LDLRAD4: variants seen among roughly 807,000 people sequenced by gnomAD.
The protein encoded by LDLRAD4 is low-density lipoprotein receptor class A domain-containing protein 4.
Under a neutral mutation model 17.0 loss-of-function variants are expected in LDLRAD4, and 5 were observed. That is an observed-to-expected ratio of 0.29 (90% CI 0.15 to 0.62). The LOEUF (loss-of-function observed/expected upper bound fraction) is 0.62, where lower values mean the gene tolerates loss of function less well. LDLRAD4 is among the 20% of genes least tolerant of loss of function. The probability of loss-of-function intolerance (pLI) is 0.84; values close to 1 mark genes in which losing one functional copy is unlikely to be tolerated. For missense variants in LDLRAD4, 340 were observed against 424.7 expected, an observed-to-expected ratio of 0.80 and a Z score of 1.75; for synonymous variants, 168 against 171.8, an observed-to-expected ratio of 0.98 and a Z score of 0.17.
Position 13,294,333 on chromosome 18 carries a change from C to T in LDLRAD4, c.-383+16145C>T, listed in dbSNP as rs552252533. Among the ~76,000 whole-genome samples the T allele has an allele frequency of 6.6e-5, 10 of 152,328 alleles. No individual in the cohort carries two copies. The South Asian group carries it at 1.4e-3, about 22-fold the overall frequency. ...GGGCACGTCAGACAGACGGCCCAGC[C>T]GGTGTGCGGAAGCGTTGACCAAGAT... On this transcript the variant is annotated intron_variant, in intron 1 of 5. Transcript: ENST00000359446.
At chr18:13,318,454 G>A (rs2081047470) in intron 1 of LDLRAD4, among the ~76,000 whole-genome samples, 1 of 152,084 alleles carries the variant, frequency 6.6e-6, no homozygotes, top group African/African-American at 2.4e-5. Flanking sequence ...TAGAGACGGG[G>A]TTTTACCATA....
rs114167746 is a variant in LDLRAD4 at position 13,634,327 on chromosome 18, T to G, written c.337-9032T>G. ...TGTAAAAACTCTAAAGATTCTATTT[T>G]AAAAATAACCCAAAAAGTGTCAGAA... On this transcript the variant is annotated intron_variant, in intron 4 of 5. Coordinates refer to ENST00000359446, the Ensembl canonical transcript of LDLRAD4. Among the ~76,000 whole-genome samples, 1,230 of 152,316 alleles carry G rather than the reference T, an allele frequency of 8.1e-3. 13 individuals are homozygous for G. The highest frequency in any genetic ancestry group is 0.028 in the African/African-American group (1,176 of 41,556).
At chr18:13,355,350 G>A (rs2083275610) in intron 1 of LDLRAD4, among the ~76,000 whole-genome samples, 1 of 152,200 alleles carries the variant, frequency 6.6e-6, no homozygotes, top group African/African-American at 2.4e-5. Context: ...GTCAATTCCT[G>A]CTATGCTGTT....
At chr18:13,409,844 T>C (rs966337957) in intron 2 of LDLRAD4, among the ~76,000 whole-genome samples, 3 of 152,206 alleles carry the variant, frequency 2.0e-5, no homozygotes, top group African/African-American at 7.2e-5. Flanking sequence ...AAACAAGATA[T>C]TTGAATAGTC....
chr18:13,224,308 G>A (rs1314625723), intron 1 of LDLRAD4, among the ~76,000 whole-genome samples: 1 of 152,068 alleles, frequency 6.6e-6, no homozygotes, highest in Admixed American at 6.6e-5. Flanking sequence ...CCTCCCCATG[G>A]CACCTCTGGG....
intron 4 of LDLRAD4, among the ~76,000 whole-genome samples, chr18:13,623,570 T>C (rs2040851482): frequency 6.6e-6 from 1 of 152,230 alleles, no homozygotes; most frequent in Admixed American, 6.5e-5. Flanking sequence ...TGATGTTTCA[T>C]AAAACACAAG....
At chr18:13,322,290 C>CTTTTTTTTTTTTTTTTTTTTT (rs370707500) in intron 1 of LDLRAD4, among the ~76,000 whole-genome samples, 2 of 109,742 alleles carry the variant, frequency 1.8e-5, no homozygotes, top group African/African-American at 7.6e-5. Context: ...ACTTTTCTCA[C>CTTTTTTTTTTTTTTTTTTTTT]TTTTTTTTTT....
intron 2 of LDLRAD4, among the ~76,000 whole-genome samples, chr18:13,434,722 G>T (rs547447206): frequency 2.0e-5 from 3 of 152,294 alleles, no homozygotes; most frequent in Admixed American, 6.5e-5. Context: ...TAGCGACTGG[G>T]CCCTGTAGTC....
chr18:13,468,452 A>G (rs376911212), intron 3 of LDLRAD4, among the ~76,000 whole-genome samples: 1 of 152,174 alleles, frequency 6.6e-6, no homozygotes, highest in African/African-American at 2.4e-5. Flanking sequence ...CGATTCCTCA[A>G]GGATCTAGAA....
At position 13,226,301 on chromosome 18, in the gene LDLRAD4, G is replaced by A. The variant is rs532097621; in HGVS notation, c.-467+7313G>A. Among the ~76,000 whole-genome samples the A allele has an allele frequency of 4.7e-4, 71 of 150,538 alleles. 1 individual carries two copies. In the South Asian group the frequency reaches 0.01, roughly 22 times the overall value. On this transcript the variant is annotated intron_variant, in intron 1 of 5. Transcript: ENST00000399848. ...CTCCCAGGGTGCTAGGATTACAGGC[G>A]TGAGCCCCTGTGCTTGGCCTGAACA...
intron 1 of LDLRAD4, among the ~76,000 whole-genome samples, chr18:13,271,319 C>T (rs1283864833): frequency 2.0e-5 from 3 of 152,156 alleles, no homozygotes; most frequent in Non-Finnish European, 2.9e-5. Context: ...TAGGATCGTC[C>T]ATTTCTTTGG....
intron 2 of LDLRAD4, among the ~76,000 whole-genome samples, chr18:13,404,813 T>A (rs1007653184): frequency 6.6e-6 from 1 of 150,468 alleles, no homozygotes; most frequent in Non-Finnish European, 1.5e-5. Flanking sequence ...AAAAAAAAAA[T>A]TATATTAAGA....
At chr18:13,278,056 C>T (rs190930591), upstream of LDLRAD4, 2 of 152,280 alleles carry the variant, frequency 1.3e-5, no homozygotes, top group Non-Finnish European at 2.9e-5. Context: ...GAGAGGGGGA[C>T]ACACAAAAAG....
exon 6 of LDLRAD4, chr18:13,652,578 C>T (rs941264141): frequency 6.6e-6 from 1 of 152,614 alleles, no homozygotes; most frequent in African/African-American, 2.4e-5. Flanking sequence ...ACGTATCTGC[C>T]TCTTTTACCT....
intron 3 of LDLRAD4, among the ~76,000 whole-genome samples, chr18:13,601,654 AAAAAAAAAAAAAG>A (rs2095163839): frequency 2.0e-5 from 1 of 49,006 alleles, no homozygotes; most frequent in African/African-American, 4.9e-5. Flanking sequence ...ACTCTGTCTG[AAAAAAAAAAAAAG>A]AAAAAAAAAG....
intron 3 of LDLRAD4, among the ~76,000 whole-genome samples, chr18:13,594,665 C>CAAAAAAAAAAAAAAAAAAAAAAAAAAAAA (rs56035558): frequency 3.4e-5 from 1 of 29,596 alleles, no homozygotes; most frequent in Non-Finnish European, 7.9e-5. Context: ...GATTCCATCT[C>CAAAAAAAAAAAAAAAAAAAAAAAAAAAAA]AAAAAAAAAA....
At chr18:13,283,264 T>C (rs2045395203) in intron 1 of LDLRAD4, among the ~76,000 whole-genome samples, 1 of 152,196 alleles carries the variant, frequency 6.6e-6, no homozygotes, top group South Asian at 2.1e-4. Flanking sequence ...AGCTTGAATT[T>C]CTCCTCAGAA....
At chr18:13,523,120 C>G (rs1281200698) in intron 3 of LDLRAD4, among the ~76,000 whole-genome samples, 2 of 152,236 alleles carry the variant, frequency 1.3e-5, no homozygotes, top group African/African-American at 4.8e-5. Flanking sequence ...CTGAGACCAT[C>G]CCCAAGACCC....
intron 1 of LDLRAD4, among the ~76,000 whole-genome samples, chr18:13,375,864 C>T (rs2084867561): frequency 6.6e-6 from 1 of 152,134 alleles, no homozygotes; most frequent in Admixed American, 6.5e-5. Flanking sequence ...TCTTGTCCAC[C>T]GGCGTATGTG....
Sources: allele counts gnomAD v4.1 joint callset (sites outside exome capture counted in the v4.1 genomes callset), GRCh38; gene constraint gnomAD v4.1.1; transcripts MANE v1.5; gene names NCBI Gene and HGNC (gene_info 2026-07-23, HGNC 2026-07-21).